The following HIVEP1 variants were observed in gnomAD, a reference collection of about 807,000 sequenced individuals.
HIVEP1 encodes zinc finger protein 40.
Under a neutral mutation model 180.0 loss-of-function variants are expected in HIVEP1, and 36 were observed. The ratio of observed to expected loss-of-function variants is 0.20; its 90% confidence interval spans 0.15 to 0.26. The LOEUF (loss-of-function observed/expected upper bound fraction) is 0.26, where lower values mean the gene tolerates loss of function less well. Among genes scored for constraint, HIVEP1 ranks in the 10% least tolerant of loss-of-function variants. The probability of loss-of-function intolerance (pLI) is 1.00; values close to 1 mark genes in which losing one functional copy is unlikely to be tolerated. For synonymous variants in HIVEP1, 1,239 were observed against 1,239.0 expected (o/e 1.00, Z 0.00); for missense variants, 3,143 against 3,268.7 (o/e 0.96, Z 0.94).
chr6:12,071,193 TGTA>T (rs748725458), intron 2 of HIVEP1, among the ~76,000 whole-genome samples: 5 of 152,230 alleles, frequency 3.3e-5, no homozygotes, highest in African/African-American at 9.6e-5. Context: ...CATTTGTTCA[TGTA>T]GTAGTTAACC....
intron 4 of HIVEP1, 115 bp from the exon 5 acceptor site, chr6:12,129,644 A>G (rs774363428): frequency 3.7e-6 from 3 of 818,492 alleles, no homozygotes; most frequent in Non-Finnish European, 6.3e-6. Flanking sequence ...CTACTTTGAA[A>G]TGCATTTCGT....
At position 12,015,679 on chromosome 6, in the gene HIVEP1, G is replaced by C. The variant is rs1458904805; in HGVS notation, c.40+11G>C. The C allele has an allele frequency of 3.1e-6, 5 of 1,609,788 alleles. No homozygotes were observed. Among genetic ancestry groups the C allele is most frequent in the Non-Finnish European group, 4.2e-6 (5 of 1,176,824 alleles). Reference sequence around the variant, plus strand: ...CCAGAAATCTAAGAGGTAAAGCATTGCATTAAGTAGAAGTAAGGCTTGCTG... The same window carrying C: ...CCAGAAATCTAAGAGGTAAAGCATTCCATTAAGTAGAAGTAAGGCTTGCTG... On this transcript the variant is annotated intron_variant, in intron 2 of 8. Transcript: ENST00000379388.
intron 2 of HIVEP1, among the ~76,000 whole-genome samples, chr6:12,067,571 A>G (rs749225989): frequency 4.6e-5 from 7 of 152,114 alleles, no homozygotes; most frequent in Admixed American, 6.5e-5. Context: ...GTAGGCGCCA[A>G]TGGCGTAGAA....
rs752997904 is a variant in HIVEP1 at position 12,161,625 on chromosome 6, C to T, written c.6674C>T (p.Pro2225Leu). ...CCATCTAGAAGTAGCCTTCAGGACCCTGTGAGTACTGACGAGGATGTCAGG... is the reference window on the plus strand; with the variant it reads ...CCATCTAGAAGTAGCCTTCAGGACCTTGTGAGTACTGACGAGGATGTCAGG... ...HLPSRSSLQD[P>L]VSTDEDVRIT... The change falls in exon 8 of 9, where the codon CCT (proline) becomes CTT (leucine). Residue 2225 changes from proline (P) to leucine (L), a missense_variant. By Grantham distance (98) the Pro-to-Leu change is moderately conservative (BLOSUM62 -3). Transcript: ENST00000379388. The T allele has an allele frequency of 1.2e-6, 2 of 1,614,122 alleles. No homozygotes were observed. Among genetic ancestry groups the T allele is most frequent in the Non-Finnish European group, 8.5e-7 (1 of 1,180,006 alleles).
At chr6:12,199,981 C>T in the HIVEP1 span, among the ~76,000 whole-genome samples, 2 of 152,130 alleles carry the variant, frequency 1.3e-5, no homozygotes, top group African/African-American at 4.8e-5. Flanking sequence ...TGGGAATCCC[C>T]ATTCTGATTT....
At chr6:12,210,546 T>C in the HIVEP1 span, among the ~76,000 whole-genome samples, 1 of 152,242 alleles carries the variant, frequency 6.6e-6, no homozygotes, top group South Asian at 2.1e-4. Context: ...TAGAAAAAAA[T>C]CTAGTGAAAA....
intron 7 of HIVEP1, among the ~76,000 whole-genome samples, chr6:12,138,280 T>G (rs1371400587): frequency 2.6e-5 from 4 of 152,234 alleles, no homozygotes; most frequent in African/African-American, 9.6e-5. Context: ...CCTAATATTG[T>G]TAGAATTTAA....
intron 5 of HIVEP1, 134 bp from the exon 6 acceptor site, chr6:12,130,633 C>T (rs1758366386): frequency 1.9e-5 from 10 of 523,222 alleles, no homozygotes; most frequent in Non-Finnish European, 3.4e-5. Context: ...TATTCTGTTA[C>T]ACATGCATAA....
chr6:12,192,350 A>G, the HIVEP1 span, among the ~76,000 whole-genome samples: 1 of 152,206 alleles, frequency 6.6e-6, no homozygotes, highest in East Asian at 1.9e-4. Context: ...AGTACATGTG[A>G]TATTTCATTA....
At chr6:12,070,105 T>C (rs553772322) in intron 2 of HIVEP1, among the ~76,000 whole-genome samples, 1 of 152,176 alleles carries the variant, frequency 6.6e-6, no homozygotes. Flanking sequence ...GAACAGTGCT[T>C]CTTCTGGAAT....
chr6:12,206,932 G>T, the HIVEP1 span, among the ~76,000 whole-genome samples: 2 of 151,602 alleles, frequency 1.3e-5, no homozygotes, highest in Non-Finnish European at 2.9e-5. Flanking sequence ...TGATCACCTA[G>T]GTCTCTGATG....
the HIVEP1 span, among the ~76,000 whole-genome samples, chr6:12,188,533 G>T: frequency 1.3e-5 from 2 of 152,004 alleles, no homozygotes; most frequent in Non-Finnish European, 2.9e-5. Flanking sequence ...AAAAACAAGT[G>T]AATTTGATAA....
chr6:12,210,314 C>T, the HIVEP1 span, among the ~76,000 whole-genome samples: 2 of 152,190 alleles, frequency 1.3e-5, no homozygotes, highest in Non-Finnish European at 2.9e-5. Flanking sequence ...ACACTCCCTA[C>T]GTTTCTCACC....
intron 2 of HIVEP1, among the ~76,000 whole-genome samples, chr6:12,059,522 C>G (rs1409141418): frequency 6.6e-6 from 1 of 152,160 alleles, no homozygotes; most frequent in African/African-American, 2.4e-5. Context: ...GGCTTAGATT[C>G]CTTTCACGTT....
chr6:12,093,410 A>AT (rs1296126290), intron 3 of HIVEP1, among the ~76,000 whole-genome samples: 6 of 149,350 alleles, frequency 4.0e-5, no homozygotes, highest in Non-Finnish European at 5.9e-5. Context: ...TTTGTGATTC[A>AT]TTTTTTTGTA....
At chr6:12,132,835 C>A (rs1463901399) in intron 6 of HIVEP1, among the ~76,000 whole-genome samples, 1 of 152,166 alleles carries the variant, frequency 6.6e-6, no homozygotes, top group Non-Finnish European at 1.5e-5. Context: ...CTTTTCTTGG[C>A]ATGACACTTC....
rs1341474919 is a variant in HIVEP1 at position 12,163,363 on chromosome 6, A to G, written c.7059A>G (p.Ser2353=). The G allele has an allele frequency of 1.2e-6, 2 of 1,614,050 alleles. No individual in the cohort carries two copies. Among genetic ancestry groups the G allele is most frequent in the Non-Finnish European group, 1.7e-6 (2 of 1,180,020 alleles). The change falls in exon 9 of 9, where the codon TCA becomes TCG. Residue 2353 remains serine (S), a synonymous_variant. Transcript: ENST00000379388. ...QTAAGMPSVA[S]PHPDPQEQKQ... is the part of the protein sequence containing the mutation. ...CAGCGGGGATGCCTTCTGTGGCCTC[A>G]CCACATCCTGACCCTCAAGAACAGA... is the stretch of plus-strand genomic sequence containing the variant.
At chr6:12,079,237 T>C (rs1193639158) in intron 2 of HIVEP1, among the ~76,000 whole-genome samples, 15 of 152,234 alleles carry the variant, frequency 9.9e-5, no homozygotes, top group African/African-American at 3.6e-4. Flanking sequence ...ATTTTCAACA[T>C]CTTTATAACA....
At position 12,163,753 on chromosome 6, in the gene HIVEP1, A is replaced by C; in HGVS notation, c.7449A>C (p.Pro2483=). ...CAGGCCTTCAGAACCTAAGTACCCC[A>C]GGCTTGCAGTCACTCCCCTCGTTAA... is the stretch of plus-strand genomic sequence containing the variant. The part of the protein sequence containing the change: ...RVPGLQNLST[P]GLQSLPSLSM... The change falls in exon 9 of 9, where the codon CCA becomes CCC. Residue 2483 remains proline, a synonymous_variant. Coordinates refer to ENST00000379388, the MANE Select transcript of HIVEP1 (RefSeq NM_002114.4). The C allele has an allele frequency of 6.2e-7, 1 of 1,614,162 alleles. No homozygotes were observed.
Sources: allele counts gnomAD v4.1 joint callset (sites outside exome capture counted in the v4.1 genomes callset), GRCh38; gene constraint gnomAD v4.1.1; transcripts MANE v1.5; gene names NCBI Gene and HGNC (gene_info 2026-07-23, HGNC 2026-07-21).